The following WDR64 variants were observed in gnomAD, a reference collection of about 807,000 sequenced individuals.
The protein encoded by WDR64 is WD repeat domain 64.
A neutral mutation model predicts 139.3 loss-of-function variants in WDR64; 112 were observed. That is an observed-to-expected ratio of 0.80 (90% CI 0.69 to 0.94). The LOEUF (loss-of-function observed/expected upper bound fraction) is 0.94. WDR64 is among the 40% of genes least tolerant of loss of function. WDR64 has a pLI of 0.00. For synonymous variants in WDR64, 444 were observed against 437.7 expected, an observed-to-expected ratio of 1.01 and a Z score of -0.18; for missense variants, 1,206 against 1,293.1, an observed-to-expected ratio of 0.93 and a Z score of 1.03.
At chr1:241,686,447 A>T (rs768878471) in intron 7 of WDR64, among the ~76,000 whole-genome samples, 24 of 152,202 alleles carry the variant, frequency 1.6e-4, no homozygotes, top group Non-Finnish European at 2.8e-4. Context: ...TCATGCCTTG[A>T]GCTGTAAACA....
Position 241,802,190 on chromosome 1 carries a change from T to A in WDR64, c.*975T>A. ...AATGACTAAACAAACTATGGTAGGG[T>A]AGGACAATGGAATCCTCAGCAATTA... On this transcript the variant is annotated 3_prime_UTR_variant, in exon 28 of 28. Transcript: ENST00000437684. The A allele has an allele frequency of 2.5e-6, 1 of 398,000 alleles. No homozygotes were observed. Among genetic ancestry groups the A allele is most frequent in the Non-Finnish European group, 4.4e-6 (1 of 225,812 alleles). 24.7% of individuals were successfully genotyped at this position (398,000 alleles called of 1,614,324 possible). A position where few individuals can be genotyped will look rare whatever the true frequency, so the allele number is the denominator to read the frequency against.
chr1:241,727,297 A>C (rs139498136), intron 10 of WDR64, among the ~76,000 whole-genome samples: 1 of 152,366 alleles, frequency 6.6e-6, no homozygotes, highest in East Asian at 1.9e-4. Context: ...AGATAATTTA[A>C]AGAGAAATAA....
At chr1:241,678,433 G>GA (rs1666643994) in intron 5 of WDR64, among the ~76,000 whole-genome samples, 1 of 152,148 alleles carries the variant, frequency 6.6e-6, no homozygotes, top group Non-Finnish European at 1.5e-5. Context: ...TGACTGCAGA[G>GA]AATTGCTTGG....
At chr1:241,660,770 A>G in intron 2 of WDR64, 110 bp downstream of exon 2, 1 of 1,238,458 alleles carries the variant, frequency 8.1e-7, no homozygotes, top group Non-Finnish European at 1.1e-6. Context: ...CACAACGTGC[A>G]TGTGTCAGTT....
chr1:241,654,074 A>C (rs1437768805), intron 1 of WDR64, among the ~76,000 whole-genome samples: 1 of 152,160 alleles, frequency 6.6e-6, no homozygotes. Context: ...GTCATAAAAG[A>C]AAGCAAGGTC....
At chr1:241,800,577 G>A (rs896023981) in intron 27 of WDR64, among the ~76,000 whole-genome samples, 2 of 152,126 alleles carry the variant, frequency 1.3e-5, no homozygotes, top group African/African-American at 2.4e-5. Context: ...AGCCCAGGAG[G>A]TTGAGGCTGC....
At chr1:241,737,545 G>A (rs903859221) in intron 10 of WDR64, among the ~76,000 whole-genome samples, 9 of 152,190 alleles carry the variant, frequency 5.9e-5, no homozygotes, top group South Asian at 2.1e-4. Context: ...AAGGGCTGAC[G>A]TAGAGCTAGA....
At chr1:241,668,383 G>A (rs1666103016) in intron 2 of WDR64, among the ~76,000 whole-genome samples, 1 of 151,730 alleles carries the variant, frequency 6.6e-6, no homozygotes, top group Non-Finnish European at 1.5e-5. Context: ...TGGCAGGATT[G>A]TGGAAATATA....
At chr1:241,655,203 T>A (rs892303501) in intron 1 of WDR64, among the ~76,000 whole-genome samples, 1 of 152,130 alleles carries the variant, frequency 6.6e-6, no homozygotes, top group Non-Finnish European at 1.5e-5. Context: ...GCCAACATGA[T>A]GAAACCCTGT....
intron 10 of WDR64, among the ~76,000 whole-genome samples, chr1:241,724,831 T>C (rs534709541): frequency 6.6e-6 from 1 of 152,318 alleles, no homozygotes; most frequent in Admixed American, 6.5e-5. Flanking sequence ...CTGTGCTAAG[T>C]ATTTTACATA....
At chr1:241,794,504 G>T (rs11578932) in intron 25 of WDR64, among the ~76,000 whole-genome samples, 4,749 of 81,394 alleles carry the variant, frequency 0.058, 382 homozygotes, top group Middle Eastern at 0.16. Flanking sequence ...AAGCTTTACT[G>T]TTTTTTTTTT....
intron 26 of WDR64, among the ~76,000 whole-genome samples, chr1:241,795,602 CT>C (rs1179335068): frequency 6.6e-6 from 1 of 152,138 alleles, no homozygotes; most frequent in African/African-American, 2.4e-5. Context: ...TTTTCACCAC[CT>C]TTTCCTCATA....
At chr1:241,799,202 C>CAAAA (rs4046210) in intron 27 of WDR64, among the ~76,000 whole-genome samples, 438 of 33,322 alleles carry the variant, frequency 0.013, 43 homozygotes, top group African/African-American at 0.044. Context: ...TTTGTCTCTC[C>CAAAA]AAAAAAAAAA....
intron 10 of WDR64, among the ~76,000 whole-genome samples, chr1:241,737,476 T>C (rs1224181522): frequency 6.6e-6 from 1 of 152,232 alleles, no homozygotes; most frequent in Non-Finnish European, 1.5e-5. Flanking sequence ...ACCCATTTAC[T>C]CAACAAATAC....
chr1:241,661,339 AAG>A (rs1665824977), intron 2 of WDR64, among the ~76,000 whole-genome samples: 2 of 151,926 alleles, frequency 1.3e-5, no homozygotes, highest in Non-Finnish European at 2.9e-5. Flanking sequence ...TTAGGCTAAA[AAG>A]AAAATATTAA....
At chr1:241,787,793 T>A in intron 23 of WDR64, 56 bp from the exon 24 acceptor site, 2 of 1,477,062 alleles carry the variant, frequency 1.4e-6, no homozygotes, top group South Asian at 1.4e-5. Flanking sequence ...ATGAACAGAA[T>A]AACTTTGACC....
At position 241,788,021 on chromosome 1, in the gene WDR64, T is replaced by A; in HGVS notation, c.2878T>A (p.Phe960Ile). ...EKQKYEYPLI[F>I]DREKWRKMSS... The stretch of plus-strand genomic sequence containing the variant: ...GCAAAAATATGAATATCCTCTGATA[T>A]TTGACCGGGAAAAGTAAGACCATTA... Residue 960 changes from phenylalanine to isoleucine, a missense_variant, in exon 24 of 28, where the codon TTT (phenylalanine) becomes ATT (isoleucine). Transcript: ENST00000437684. 6.3e-7 allele frequency: 1 copy of A among 1,591,382 alleles called. No individual in the cohort carries two copies. The highest frequency in any genetic ancestry group is 8.5e-7 in the Non-Finnish European group (1 of 1,172,214).
intron 11 of WDR64, among the ~76,000 whole-genome samples, chr1:241,738,912 T>C (rs939615788): frequency 6.6e-6 from 1 of 152,174 alleles, no homozygotes; most frequent in Non-Finnish European, 1.5e-5. Flanking sequence ...ATAGGGCAAA[T>C]CCAGCTCCCA....
chr1:241,784,724 G>A (rs1304594013), intron 23 of WDR64, among the ~76,000 whole-genome samples: 1 of 151,982 alleles, frequency 6.6e-6, no homozygotes, highest in Admixed American at 6.6e-5. Context: ...GGGAGGCCGA[G>A]GCGGGTGGAT....
Sources: gnomAD v4.1 joint callset for allele counts (sites outside exome capture counted in the v4.1 genomes callset) on GRCh38, gnomAD v4.1.1 for gene constraint, MANE v1.5 for transcripts, NCBI Gene and HGNC (gene_info 2026-07-23, HGNC 2026-07-21) for gene names.